Variants in ANKS1B observed in about 807,000 individuals in gnomAD.
ANKS1B encodes ankyrin repeat and sterile alpha motif domain-containing protein 1B.
ANKS1B carries 36 observed loss-of-function variants against 148.3 expected under a neutral mutation model. The ratio of observed to expected loss-of-function variants is 0.24; its 90% CI spans 0.19 to 0.32. The LOEUF is 0.32. Ranked by LOEUF, ANKS1B falls within the 10% of genes least tolerant of loss-of-function variation. The pLI is 1.00. For missense variants in ANKS1B, 1,157 were observed against 1,542.6 expected, an observed-to-expected ratio of 0.75 and a Z score of 4.19; for synonymous variants, 542 against 560.8, an observed-to-expected ratio of 0.97 and a Z score of 0.47.
intron 9 of ANKS1B, among the ~76,000 whole-genome samples, chr12:99,526,702 C>CA (rs1220805643): frequency 2.6e-5 from 4 of 152,056 alleles, no homozygotes; most frequent in African/African-American, 7.2e-5. Flanking sequence ...CATTTGAAAA[C>CA]AAAAAATCTC....
intron 12 of ANKS1B, among the ~76,000 whole-genome samples, chr12:99,346,889 T>A (rs2090767881): frequency 6.6e-6 from 1 of 151,992 alleles, no homozygotes; most frequent in Admixed American, 6.6e-5. Flanking sequence ...CCAAGAGAAT[T>A]CTTAATCAAG....
chr12:99,787,936 A>T (rs1162320608), intron 4 of ANKS1B, among the ~76,000 whole-genome samples: 1 of 152,216 alleles, frequency 6.6e-6, no homozygotes, highest in Non-Finnish European at 1.5e-5. Flanking sequence ...CATTTGCACC[A>T]GCCCAGCCAG....
chr12:98,812,648 G>A (rs909641505), intron 19 of ANKS1B, among the ~76,000 whole-genome samples: 4 of 151,870 alleles, frequency 2.6e-5, no homozygotes, highest in South Asian at 2.1e-4. Context: ...ATCTCGGCTC[G>A]CTGCAACCTC....
intron 17 of ANKS1B, among the ~76,000 whole-genome samples, chr12:98,966,781 T>C (rs191601731): frequency 0.014 from 2,039 of 150,188 alleles, 44 homozygotes; most frequent in African/African-American, 0.048. Flanking sequence ...CAGCAAACTA[T>C]CGCAAGGATA....
intron 17 of ANKS1B, among the ~76,000 whole-genome samples, chr12:98,874,253 AT>A (rs1187978421): frequency 6.6e-6 from 1 of 152,206 alleles, no homozygotes; most frequent in East Asian, 1.9e-4. Context: ...ATCTGTTAAC[AT>A]CTAGAGGGAA....
intron 1 of ANKS1B, among the ~76,000 whole-genome samples, chr12:99,939,036 G>T (rs1216374910): frequency 1.3e-5 from 2 of 152,078 alleles, no homozygotes; most frequent in African/African-American, 4.8e-5. Flanking sequence ...TTATTTGGGG[G>T]CCTGCATTCA....
intron 12 of ANKS1B, among the ~76,000 whole-genome samples, chr12:99,279,874 C>A (rs1281760445): frequency 6.6e-6 from 1 of 151,956 alleles, no homozygotes; most frequent in Non-Finnish European, 1.5e-5. Context: ...GCATGTGGTG[C>A]ATGCCTATAG....
chr12:99,182,436 C>A, intron 14 of ANKS1B, among the ~76,000 whole-genome samples: 1 of 152,170 alleles, frequency 6.6e-6, no homozygotes, highest in Non-Finnish European at 1.5e-5. Context: ...CTGTGCCTGG[C>A]TTATTTTACT....
At chr12:99,906,270 C>G (rs958470299) in intron 1 of ANKS1B, among the ~76,000 whole-genome samples, 1 of 152,146 alleles carries the variant, frequency 6.6e-6, no homozygotes, top group Non-Finnish European at 1.5e-5. Flanking sequence ...AAAGACCTCA[C>G]GTGAATAATG....
intron 8 of ANKS1B, among the ~76,000 whole-genome samples, chr12:99,700,079 C>T (rs2054568545): frequency 6.6e-6 from 1 of 152,068 alleles, no homozygotes; most frequent in Admixed American, 6.6e-5. Flanking sequence ...TGTGAGTTTA[C>T]CAAGGTTTGC....
intron 17 of ANKS1B, among the ~76,000 whole-genome samples, chr12:98,856,635 C>G (rs913324187): frequency 1.3e-5 from 2 of 152,092 alleles, no homozygotes; most frequent in African/African-American, 4.8e-5. Context: ...GGAGAGTGGT[C>G]AGTGTTTGTC....
chr12:99,439,574 C>A (rs1480809625), intron 11 of ANKS1B, among the ~76,000 whole-genome samples: 1 of 151,548 alleles, frequency 6.6e-6, no homozygotes, highest in Non-Finnish European at 1.5e-5. Context: ...CATTAGTCAC[C>A]AGAAAAAATG....
rs527705295 is a variant in ANKS1B, at chr12:99,216,991, C to T, written c.2419+27351G>A. Among the ~76,000 whole-genome samples, 22 of 152,238 alleles carry T rather than the reference C, an allele frequency of 1.4e-4. No individual in the cohort carries two copies. In the East Asian group the frequency reaches 3.7e-3, roughly 25 times the overall value. On this transcript the variant is annotated intron_variant, in intron 14 of 26. Coordinates refer to ENST00000683438, the MANE Select transcript of ANKS1B (RefSeq NM_001352186.2). ...ATGGATGGATGGACATAGCTGAAGA[C>T]ATTTTATTGGGTCAAAGATGGAAGC...
At chr12:99,801,982 G>A (rs1281367871) in intron 4 of ANKS1B, among the ~76,000 whole-genome samples, 2 of 152,062 alleles carry the variant, frequency 1.3e-5, no homozygotes, top group Non-Finnish European at 2.9e-5. Flanking sequence ...GATAGAGAAG[G>A]AGGTGTTGAA....
chr12:98,746,878 A>C (rs112760019), intron 26 of ANKS1B, among the ~76,000 whole-genome samples: 2,045 of 152,336 alleles, frequency 0.013, 54 homozygotes, highest in African/African-American at 0.045. Flanking sequence ...CAACAGAATG[A>C]AACACAGCCT....
chr12:99,566,633 G>A (rs762623507), intron 9 of ANKS1B, among the ~76,000 whole-genome samples: 2 of 152,072 alleles, frequency 1.3e-5, no homozygotes, highest in Non-Finnish European at 2.9e-5. Flanking sequence ...CCCCATGATG[G>A]AACTAACGGC....
chr12:99,872,688 G>A (rs534386825), intron 1 of ANKS1B, among the ~76,000 whole-genome samples: 15 of 152,118 alleles, frequency 9.9e-5, no homozygotes, highest in African/African-American at 3.6e-4. Flanking sequence ...GTACCCTTTT[G>A]TATTCACAGA....
chr12:98,959,902 G>A (rs184681471), intron 17 of ANKS1B, among the ~76,000 whole-genome samples: 16 of 152,326 alleles, frequency 1.1e-4, no homozygotes, highest in Admixed American at 9.8e-4. Flanking sequence ...TCTGTTTGTG[G>A]AAAGGGGAGG....
intron 9 of ANKS1B, among the ~76,000 whole-genome samples, chr12:99,615,443 T>C (rs2097947584): frequency 6.6e-6 from 1 of 152,166 alleles, no homozygotes; most frequent in African/African-American, 2.4e-5. Flanking sequence ...TCTCTGAATC[T>C]AGCCCTGTAG....
Sources: gnomAD v4.1 joint callset for allele counts (sites outside exome capture counted in the v4.1 genomes callset) on GRCh38, gnomAD v4.1.1 for gene constraint, MANE v1.5 for transcripts, NCBI Gene and HGNC (gene_info 2026-07-23, HGNC 2026-07-21) for gene names.